The following KCTD19 variants were observed in gnomAD, a reference collection of about 807,000 sequenced individuals.
KCTD19 encodes the protein potassium channel tetramerization domain containing 19.
A neutral mutation model predicts 103.5 loss-of-function variants in KCTD19; 67 were observed. That is an observed-to-expected ratio of 0.65 (90% CI 0.53 to 0.79). The LOEUF is 0.79. Among genes scored for constraint, KCTD19 ranks in the 30% least tolerant of loss-of-function variants. KCTD19 has a pLI of 0.00. For missense variants in KCTD19, 980 were observed against 1,136.1 expected (o/e 0.86, Z 1.98); for synonymous variants, 439 against 452.2 (o/e 0.97, Z 0.37).
At chr16:67,304,264 G>A (rs1364506208) in intron 3 of KCTD19, among the ~76,000 whole-genome samples, 157 bp downstream of exon 3, 2 of 152,212 alleles carry the variant, frequency 1.3e-5, no homozygotes, top group South Asian at 2.1e-4. Flanking sequence ...AGCAGCCATG[G>A]AGAGGGCCTG....
At chr16:67,297,038 A>T (rs1271015735) in intron 7 of KCTD19, among the ~76,000 whole-genome samples, 1 of 152,246 alleles carries the variant, frequency 6.6e-6, no homozygotes, top group East Asian at 1.9e-4. Flanking sequence ...ATTTTTGGTA[A>T]TAAGAAGTTA....
chr16:67,310,184 C>T (rs1567452529), intron 2 of KCTD19, among the ~76,000 whole-genome samples: 1 of 152,214 alleles, frequency 6.6e-6, no homozygotes, highest in African/African-American at 2.4e-5. Flanking sequence ...CCCAGCCCCT[C>T]ACTTACTTAT....
chr16:67,294,904 A>G, intron 10 of KCTD19, 69 bp downstream of exon 10: 1 of 1,269,226 alleles, frequency 7.9e-7, no homozygotes, highest in South Asian at 1.2e-5. Context: ...AGTAGGACTT[A>G]GGACAGGATT....
intron 15 of KCTD19, 22 bp from the exon 16 acceptor site, chr16:67,289,704 A>G (rs374336918): frequency 8.6e-5 from 135 of 1,561,116 alleles, no homozygotes; most frequent in Non-Finnish European, 6.2e-6. Context: ...GGCCAGTCTT[A>G]TCCCTGATTT....
chr16:67,311,865 T>C (rs1193326973), intron 2 of KCTD19, among the ~76,000 whole-genome samples: 1 of 152,180 alleles, frequency 6.6e-6, no homozygotes, highest in African/African-American at 2.4e-5. Flanking sequence ...GTCATCCACT[T>C]ACCCACACCA....
intron 2 of KCTD19, among the ~76,000 whole-genome samples, chr16:67,311,626 A>T (rs2036950279): frequency 6.6e-6 from 1 of 152,052 alleles, no homozygotes; most frequent in East Asian, 1.9e-4. Context: ...AAGGGGAGAA[A>T]TCCAAGAAGA....
intron 8 of KCTD19, 52 bp from the exon 9 acceptor site, chr16:67,295,457 G>A (rs908656918): frequency 6.4e-7 from 1 of 1,557,304 alleles, no homozygotes; most frequent in Non-Finnish European, 8.8e-7. Context: ...TCTTTGCGAA[G>A]GGGCAGGTCA....
chr16:67,303,021 A>G lies in KCTD19; in HGVS notation c.643+125T>C. ...TGGAAGGCTCTGTCATGCTTCCGCT[A>G]CCTCTGCCCAGGGAAGCTCCTGAGG... On this transcript the variant is annotated intron_variant, in intron 4 of 15. Coordinates refer to ENST00000304372, the MANE Select transcript of KCTD19 (RefSeq NM_001100915.3). The surrounding 1 kb of genome is among the most constrained non-coding windows in gnomAD (Gnocchi z 4.3). The G allele has an allele frequency of 1.2e-6, 1 of 833,126 alleles. No homozygotes were observed. The highest frequency in any genetic ancestry group is 1.9e-6 in the Non-Finnish European group (1 of 527,950). 51.6% of individuals were successfully genotyped at this position (833,126 alleles called of 1,614,324 possible). A position where few individuals can be genotyped will look rare whatever the true frequency, so the allele number is the denominator to read the frequency against.
chr16:67,289,584 G>A lies in KCTD19; in HGVS notation c.2766C>T (p.Tyr922=). 2 of 1,611,886 alleles carry A rather than the reference G, an allele frequency of 1.2e-6. No homozygotes were observed. Among genetic ancestry groups the A allele is most frequent in the East Asian group, 4.5e-5 (2 of 44,878 alleles). Residue 922 remains tyrosine, a synonymous_variant, in exon 16 of 16, where the codon TAC becomes TAT. Coordinates refer to ENST00000304372, the MANE Select transcript of KCTD19 (RefSeq NM_001100915.3). ...RSVSYSILGK[Y]LQED ...TCTGGGCACCCTAGTCCTCTTGTAG[G>A]TACTTTCCCAGGATGGAGTAAGAGA...
chr16:67,325,376 C>CTTTATTTTATTTTAT (rs544654868), intron 1 of KCTD19, among the ~76,000 whole-genome samples: 2,338 of 145,644 alleles, frequency 0.016, 84 homozygotes, highest in African/African-American at 0.057. Flanking sequence ...CCACGCCCGG[C>CTTTATTTTATTTTAT]TTTATTTTAT....
At chr16:67,296,998 T>C (rs2036772194) in intron 7 of KCTD19, among the ~76,000 whole-genome samples, 3 of 152,220 alleles carry the variant, frequency 2.0e-5, no homozygotes, top group African/African-American at 7.2e-5. Flanking sequence ...TGCTAAATGA[T>C]AGTAATACAG....
In KCTD19 at chr16:67,290,919, C is replaced by A. The variant is rs201203484; in HGVS notation, c.2633G>T (p.Arg878Leu). 1.6e-4 allele frequency: 261 copies of A among 1,613,976 alleles called. 1 individual carries two copies. In the African/African-American group the frequency reaches 3.1e-3, roughly 19 times the overall value. ...LLAITGFKDDRHTQERLYSWV... is the reference protein window; with the variant it reads ...LLAITGFKDDLHTQERLYSWV... ...GCTGTACAGGCGCTCCTGGGTGTGC[C>A]GGTCATCCTTGAAGCCGGTGATGGC... The change falls in exon 15 of 16, where the codon CGG becomes CTG. Residue 878 changes from arginine to leucine, a missense_variant. Transcript: ENST00000304372.
At chr16:67,304,614 G>A in intron 2 of KCTD19, 43 bp from the exon 3 acceptor site, 3 of 1,527,464 alleles carry the variant, frequency 2.0e-6, no homozygotes, top group Non-Finnish European at 2.7e-6. Flanking sequence ...TCTAAACCAA[G>A]TAACTATGTA....
chr16:67,299,545 G>A lies in KCTD19; in HGVS notation c.804C>T (p.Pro268=). Reference sequence around the variant, plus strand: ...TGCGGGCCCCCTTCCCGGGGCTCAGGGGAGAACAGGTGGTCGGGGAACAGC... The same window carrying A: ...TGCGGGCCCCCTTCCCGGGGCTCAGAGGAGAACAGGTGGTCGGGGAACAGC... The part of the protein sequence containing the change: ...MGGCSPTTCS[P]LSPGKGARTA... The change falls in exon 6 of 16, where the codon CCC becomes CCT. Residue 268 remains proline, a synonymous_variant. Coordinates refer to ENST00000304372, the MANE Select transcript of KCTD19 (RefSeq NM_001100915.3). 6 of 1,613,608 alleles carry A rather than the reference G, an allele frequency of 3.7e-6. No homozygotes were observed. The highest frequency in any genetic ancestry group is 5.1e-6 in the Non-Finnish European group (6 of 1,179,968).
Position 67,291,761 on chromosome 16 carries a change from G to T in KCTD19, c.2295C>A (p.His765Gln). 1 of 1,614,108 alleles carries T rather than the reference G, an allele frequency of 6.2e-7. No individual in the cohort carries two copies. The highest frequency in any genetic ancestry group is 8.5e-7 in the Non-Finnish European group (1 of 1,179,970). The change falls in exon 13 of 16, where the codon CAC (histidine) becomes CAA (glutamine). Residue 765 changes from histidine (H) to glutamine (Q), a missense_variant. Coordinates refer to ENST00000304372, the MANE Select transcript of KCTD19 (RefSeq NM_001100915.3). The stretch of plus-strand genomic sequence containing the variant: ...AGCCATCGCTGCCCACCACGGGGGG[G>T]TGAGTCACTTTGAGGATAACCCCTA... The part of the protein sequence containing the change: ...DSLGVILKVT[H>Q]PPVVGSDGFC...
chr16:67,304,367 A>G, intron 3 of KCTD19, 54 bp downstream of exon 3: 1 of 1,572,960 alleles, frequency 6.4e-7, no homozygotes, highest in South Asian at 1.1e-5. Context: ...TGTTAGGGTG[A>G]GGAGAGGGAA....
At chr16:67,321,211 T>C (rs1597401489) in intron 1 of KCTD19, among the ~76,000 whole-genome samples, 1 of 152,030 alleles carries the variant, frequency 6.6e-6, no homozygotes, top group Non-Finnish European at 1.5e-5. Context: ...AACAAAAAAA[T>C]GAGCCCAACA....
chr16:67,309,409 C>T (rs901787770), intron 2 of KCTD19, among the ~76,000 whole-genome samples: 5 of 152,036 alleles, frequency 3.3e-5, no homozygotes, highest in East Asian at 1.9e-4. Flanking sequence ...GAAGACCTAA[C>T]GGGGAGAGGG....
At position 67,293,543 on chromosome 16, in the gene KCTD19, C is replaced by T. The variant is rs1438789443; in HGVS notation, c.2218+1G>A. ...TTAGATCAAAGGGGGACAGGACTCA[C>T]CTCTCTCCTTGGTCCTCTGCTTGCT... On this transcript the variant is annotated splice_donor_variant, in intron 12 of 15. Coordinates refer to ENST00000304372, the MANE Select transcript of KCTD19 (RefSeq NM_001100915.3). LOFTEE classifies it high-confidence loss of function. This position sits in a 1 kb window ranked among gnomAD's most constrained non-coding sequence, Gnocchi z 4.0. 4 of 1,612,964 alleles carry T rather than the reference C, an allele frequency of 2.5e-6. No homozygotes were observed. In the African/African-American group the frequency reaches 4.0e-5, roughly 16 times the overall value.
Sources: gnomAD v4.1 joint callset for allele counts (sites outside exome capture counted in the v4.1 genomes callset) on GRCh38, gnomAD v4.1.1 for gene constraint, Gnocchi (gnomAD v3.1) non-coding constraint, MANE v1.5 for transcripts, NCBI Gene and HGNC (gene_info 2026-07-23, HGNC 2026-07-21) for gene names.